SDC2: variants seen among roughly 807,000 people sequenced by gnomAD.
The protein encoded by SDC2 is syndecan-2.
In SDC2, 13 loss-of-function variants were observed where a neutral mutation model predicts 22.2. That is an observed-to-expected ratio of 0.59 (90% CI 0.38 to 0.93). The LOEUF (loss-of-function observed/expected upper bound fraction) is 0.93. SDC2 is among the 40% of genes least tolerant of loss of function. SDC2 has a pLI of 0.00. For synonymous variants in SDC2, 94 were observed against 92.8 expected (o/e 1.01, Z -0.07); for missense variants, 235 against 246.8 (o/e 0.95, Z 0.32).
intron 3 of SDC2, among the ~76,000 whole-genome samples, chr8:96,602,839 G>A (rs923885261): frequency 2.0e-5 from 3 of 152,124 alleles, no homozygotes; most frequent in African/African-American, 7.2e-5. Flanking sequence ...CTTAAGGAAC[G>A]TCTGAAGCCC....
chr8:96,527,409 T>C (rs2130474648), intron 1 of SDC2, among the ~76,000 whole-genome samples: 1 of 152,290 alleles, frequency 6.6e-6, no homozygotes, highest in Non-Finnish European at 1.5e-5. Context: ...ATGACACTGA[T>C]CTAGCTTCCA....
At chr8:96,559,406 G>A (rs534188590) in intron 1 of SDC2, among the ~76,000 whole-genome samples, 28 of 152,284 alleles carry the variant, frequency 1.8e-4, no homozygotes, top group African/African-American at 6.5e-4. Context: ...ATGTTGTGGG[G>A]CCAGGCAGAG....
chr8:96,523,454 G>A (rs1414697664), intron 1 of SDC2, among the ~76,000 whole-genome samples: 1 of 152,186 alleles, frequency 6.6e-6, no homozygotes, highest in Non-Finnish European at 1.5e-5. Context: ...TCTGCCAGGG[G>A]TAACTCTTGG....
intron 1 of SDC2, chr8:96,586,442 T>C (rs1252294672): frequency 1.3e-5 from 2 of 152,208 alleles, no homozygotes; most frequent in East Asian, 3.9e-4. Flanking sequence ...CAGGCCTGGG[T>C]CTTGGGCATC....
At chr8:96,494,380 C>T (rs780571689) in intron 1 of SDC2, 49 bp downstream of exon 1, 1 of 1,521,606 alleles carries the variant, frequency 6.6e-7, no homozygotes, top group South Asian at 1.2e-5. Flanking sequence ...GTGTTTGAAG[C>T]TACGAGAGGA....
chr8:96,495,976 A>G (rs574189916), intron 1 of SDC2, among the ~76,000 whole-genome samples: 5 of 152,372 alleles, frequency 3.3e-5, no homozygotes, highest in Admixed American at 2.0e-4. Context: ...TTTGTACACC[A>G]AAAGGCAGCA....
chr8:96,609,779 A>G lies in SDC2; in HGVS notation c.*231A>G. The stretch of plus-strand genomic sequence containing the variant: ...AATAGCAGTGGCAAAATATTATGTT[A>G]TGAAAACCCTCGATGTTCATGGAAT... On this transcript the variant is annotated 3_prime_UTR_variant, in exon 5 of 5. Transcript: ENST00000302190. The G allele has an allele frequency of 2.8e-6, 1 of 354,508 alleles. No homozygotes were observed. The highest frequency in any genetic ancestry group is 5.0e-6 in the Non-Finnish European group (1 of 199,114). The allele number at this position is 354,508 out of a possible 1,614,324, so 22.0% of individuals were successfully genotyped here.
chr8:96,553,887 C>T (rs1435718009), intron 1 of SDC2, among the ~76,000 whole-genome samples: 1 of 152,092 alleles, frequency 6.6e-6, no homozygotes, highest in East Asian at 1.9e-4. Context: ...ATTCTCCCAC[C>T]TCAGCCTCCC....
At chr8:96,595,577 A>G (rs116059865) in intron 2 of SDC2, among the ~76,000 whole-genome samples, 3,630 of 151,908 alleles carry the variant, frequency 0.024, 143 homozygotes, top group African/African-American at 0.084. Context: ...AATAATAACT[A>G]TGGACATTTT....
At chr8:96,584,449 G>A (rs1200043079) in intron 1 of SDC2, among the ~76,000 whole-genome samples, 2 of 152,194 alleles carry the variant, frequency 1.3e-5, no homozygotes, top group African/African-American at 4.8e-5. Context: ...GAGCCTGTTG[G>A]CTTCCTGTGC....
chr8:96,503,851 T>C (rs1360286104), intron 1 of SDC2, among the ~76,000 whole-genome samples: 1 of 152,216 alleles, frequency 6.6e-6, no homozygotes, highest in East Asian at 1.9e-4. Flanking sequence ...CTTTCTCATT[T>C]TAGGAGGTTA....
chr8:96,609,468 G>A lies in SDC2; in HGVS notation c.526G>A (p.Glu176Lys). Residue 176 changes from glutamate (E) to lysine (K), a missense_variant, in exon 5 of 5, where the codon GAA becomes AAA. Physicochemically the swap from Glu to Lys is moderately conservative, Grantham distance 56 (BLOSUM62 1). Transcript: ENST00000302190. ...GGTGTATCGCATGAGAAAGAAGGAT[G>A]AAGGAAGCTATGACCTTGGAGAACG... ...LLVYRMRKKD[E>K]GSYDLGERKP... 1 of 1,613,738 alleles carries A rather than the reference G, an allele frequency of 6.2e-7. No homozygotes were observed. The highest frequency in any genetic ancestry group is 8.5e-7 in the Non-Finnish European group (1 of 1,179,812).
chr8:96,509,309 G>T (rs1338682106), intron 1 of SDC2, among the ~76,000 whole-genome samples: 1 of 142,276 alleles, frequency 7.0e-6, no homozygotes, highest in Admixed American at 7.0e-5. Context: ...CAGTGTTGAT[G>T]ATGATTGAAA....
intron 1 of SDC2, 68 bp downstream of exon 1, chr8:96,494,399 G>A: frequency 6.8e-7 from 1 of 1,460,694 alleles, no homozygotes; most frequent in Non-Finnish European, 9.2e-7. Context: ...GAGCCCGCAG[G>A]GAATAGGGGA....
chr8:96,609,404 T>G lies in SDC2; in HGVS notation c.462T>G (p.Val154=). 6.2e-7 allele frequency: 1 copy of G among 1,612,390 alleles called. No homozygotes were observed. The highest frequency in any genetic ancestry group is 2.2e-5 in the East Asian group (1 of 44,796). The part of the protein sequence containing the change: ...EVLAAVIAGG[V]IGFLFAIFLI... The stretch of plus-strand genomic sequence containing the variant: ...TTTCAGCTGTCATTGCTGGTGGAGT[T>G]ATTGGCTTTCTCTTTGCAATTTTTC... The change falls in exon 5 of 5, where the codon GTT becomes GTG. Residue 154 remains valine, a synonymous_variant. Coordinates refer to ENST00000302190, the MANE Select transcript of SDC2 (RefSeq NM_002998.4).
chr8:96,590,626 GGTTT>G (rs1322665316), intron 1 of SDC2, among the ~76,000 whole-genome samples: 3 of 151,822 alleles, frequency 2.0e-5, no homozygotes, highest in East Asian at 3.9e-4. Context: ...TGAGCGCAGG[GGTTT>G]TTTTTTATTT....
chr8:96,604,607 T>C (rs1364707501), intron 3 of SDC2, among the ~76,000 whole-genome samples: 1 of 150,752 alleles, frequency 6.6e-6, no homozygotes, highest in Non-Finnish European at 1.5e-5. Flanking sequence ...GCTTTTCAAT[T>C]GGTCTCACAG....
chr8:96,494,395 G>T (rs1267980115), intron 1 of SDC2, 64 bp downstream of exon 1: 1 of 1,486,452 alleles, frequency 6.7e-7, no homozygotes, highest in South Asian at 1.2e-5. Flanking sequence ...AGAGGAGCCC[G>T]CAGGGAATAG....
At chr8:96,585,449 A>G (rs1324796169) in intron 1 of SDC2, among the ~76,000 whole-genome samples, 2 of 152,108 alleles carry the variant, frequency 1.3e-5, no homozygotes, top group East Asian at 3.8e-4. Flanking sequence ...TGATACGATG[A>G]CTGGGAGGTG....
Sources: gnomAD v4.1 joint callset for allele counts (sites outside exome capture counted in the v4.1 genomes callset) on GRCh38, gnomAD v4.1.1 for gene constraint, MANE v1.5 for transcripts, NCBI Gene and HGNC (gene_info 2026-07-23, HGNC 2026-07-21) for gene names.